Variants in FBN2 observed in about 807,000 individuals in gnomAD.
FBN2 encodes fibrillin 2, also known as fibrillin-2.
FBN2 carries 105 observed loss-of-function variants against 355.6 expected under a neutral mutation model. The observed-to-expected ratio is 0.30, with a 90% CI of 0.25 to 0.35. FBN2 has a LOEUF of 0.35. Ranked by LOEUF, FBN2 falls within the 10% of genes least tolerant of loss-of-function variation. FBN2 has a pLI of 1.00. For synonymous variants in FBN2, 1,350 were observed against 1,301.2 expected (o/e 1.04, Z -0.81); for missense variants, 3,280 against 3,758.7 (o/e 0.87, Z 3.33).
intron 14 of FBN2, among the ~76,000 whole-genome samples, 166 bp downstream of exon 14, chr5:128,376,565 T>C (rs1490407249): frequency 6.6e-6 from 1 of 152,210 alleles, no homozygotes; most frequent in African/African-American, 2.4e-5. Context: ...TAGACCACAA[T>C]GTGTGTTTTT....
chr5:128,299,862 A>G (rs7710992), intron 48 of FBN2, among the ~76,000 whole-genome samples: 7,148 of 152,202 alleles, frequency 0.047, 585 homozygotes, highest in African/African-American at 0.16. Context: ...TAAACTTTTC[A>G]AGAAACTTCT....
intron 5 of FBN2, among the ~76,000 whole-genome samples, chr5:128,506,227 T>C (rs1755956354): frequency 6.6e-6 from 1 of 152,154 alleles, no homozygotes; most frequent in Non-Finnish European, 1.5e-5. Context: ...GTGATTTTGA[T>C]CAGTCCTATG....
At chr5:128,369,479 T>A (rs947282215) in intron 15 of FBN2, 145 bp from the exon 16 acceptor site, 1 of 729,918 alleles carries the variant, frequency 1.4e-6, no homozygotes, top group East Asian at 2.7e-5. Context: ...CTTTAGCATC[T>A]AATAGTGTTA....
chr5:128,452,764 G>A (rs746507401), intron 6 of FBN2, among the ~76,000 whole-genome samples: 14 of 151,920 alleles, frequency 9.2e-5, no homozygotes, highest in Non-Finnish European at 1.6e-4. Context: ...ATACAGGTGC[G>A]GGTTTGTTAT....
At chr5:128,397,119 T>G (rs550342478) in intron 8 of FBN2, among the ~76,000 whole-genome samples, 8 of 152,318 alleles carry the variant, frequency 5.3e-5, no homozygotes, top group African/African-American at 1.9e-4. Context: ...ATGTGATGTA[T>G]GCACACATAA....
intron 61 of FBN2, 54 bp from the exon 62 acceptor site, chr5:128,272,172 A>C: frequency 6.2e-7 from 1 of 1,610,406 alleles, no homozygotes. Flanking sequence ...TACTATTTTT[A>C]AATGCACTCC....
chr5:128,280,563 G>C (rs999103151), intron 55 of FBN2, among the ~76,000 whole-genome samples: 13 of 152,084 alleles, frequency 8.5e-5, no homozygotes, highest in African/African-American at 2.9e-4. Flanking sequence ...AAGGGATAGT[G>C]TTAATATATA....
chr5:128,486,977 C>T (rs1755355366), intron 5 of FBN2, among the ~76,000 whole-genome samples: 1 of 152,194 alleles, frequency 6.6e-6, no homozygotes. Context: ...AGTTTCTTCT[C>T]ATTCCTCAGG....
intron 17 of FBN2, 143 bp from the exon 18 acceptor site, chr5:128,364,868 G>T: frequency 1.4e-6 from 1 of 708,122 alleles, no homozygotes; most frequent in Non-Finnish European, 2.5e-6. Context: ...AAAGGAAAAA[G>T]AACTGAAAAC....
chr5:128,430,374 T>A (rs1337431273), intron 7 of FBN2, among the ~76,000 whole-genome samples: 1 of 152,194 alleles, frequency 6.6e-6, no homozygotes, highest in African/African-American at 2.4e-5. Context: ...TTTAAGTCTT[T>A]ACTTTTTTGT....
intron 5 of FBN2, among the ~76,000 whole-genome samples, chr5:128,500,633 A>C (rs1227108738): frequency 6.6e-6 from 1 of 151,336 alleles, no homozygotes; most frequent in East Asian, 1.9e-4. Flanking sequence ...TTTAGTAAAG[A>C]CGGAGTTTCA....
chr5:128,464,739 T>G lies in FBN2; in HGVS notation c.811A>C (p.Thr271Pro), dbSNP rs201988564. The G allele has an allele frequency of 1.6e-5, 26 of 1,613,450 alleles. No individual in the cohort carries two copies. Among genetic ancestry groups the G allele is most frequent in the Non-Finnish European group, 2.1e-5 (25 of 1,179,934 alleles). Residue 271 changes from threonine to proline, a missense_variant, in exon 6 of 65, where the codon ACT becomes CCT. Coordinates refer to ENST00000262464, the MANE Select transcript of FBN2 (RefSeq NM_001999.4). ...CRRGFIPNIR[T>P]GACQDVDECQ... Reference sequence around the variant, plus strand: ...GCTGACTCACCTTGGCAAGCTCCAGTGCGGATGTTGGGGATGAAACCCCGT... The same window carrying G: ...GCTGACTCACCTTGGCAAGCTCCAGGGCGGATGTTGGGGATGAAACCCCGT...
chr5:128,422,626 T>C (rs1417356099), intron 7 of FBN2, among the ~76,000 whole-genome samples: 4 of 152,160 alleles, frequency 2.6e-5, no homozygotes, highest in Non-Finnish European at 1.5e-5. Flanking sequence ...AGCTGGAACA[T>C]TTTGCTCTGG....
chr5:128,358,914 T>C (rs193274806), intron 19 of FBN2, among the ~76,000 whole-genome samples: 258 of 152,138 alleles, frequency 1.7e-3, no homozygotes, highest in African/African-American at 5.8e-3. Flanking sequence ...ACTACAAATA[T>C]CAACTATTTA....
At chr5:128,453,863 G>A (rs1300416462) in intron 6 of FBN2, among the ~76,000 whole-genome samples, 1 of 151,980 alleles carries the variant, frequency 6.6e-6, no homozygotes, top group East Asian at 1.9e-4. Context: ...TTGGTGGTGT[G>A]ACTCTTATAT....
chr5:128,356,028 A>G (rs905488242), intron 20 of FBN2, among the ~76,000 whole-genome samples: 8 of 152,374 alleles, frequency 5.3e-5, no homozygotes, highest in African/African-American at 1.9e-4. Context: ...TTAATTGATT[A>G]ATGCTGAATT....
Position 128,457,126 on chromosome 5 carries a change from A to G in FBN2, c.826+7598T>C, listed in dbSNP as rs139552698. Among the ~76,000 whole-genome samples, 381 of 152,326 alleles carry G rather than the reference A, an allele frequency of 2.5e-3. 2 individuals carry two copies. The highest frequency in any genetic ancestry group is 8.5e-3 in the African/African-American group (352 of 41,572). On this transcript the variant is annotated intron_variant, in intron 6 of 64. Coordinates refer to ENST00000262464, the MANE Select transcript of FBN2 (RefSeq NM_001999.4). ...AACATAAACGACCTAAGGGAGCTGA[A>G]AAACACAGCATGAGAACTTCATGAA...
intron 5 of FBN2, among the ~76,000 whole-genome samples, chr5:128,503,992 T>C (rs190897897): frequency 6.6e-6 from 1 of 152,276 alleles, no homozygotes; most frequent in African/African-American, 2.4e-5. Flanking sequence ...CATAGTGCCC[T>C]GCATCTCAGC....
intron 7 of FBN2, among the ~76,000 whole-genome samples, chr5:128,422,584 G>A (rs529014219): frequency 6.6e-6 from 1 of 152,254 alleles, no homozygotes; most frequent in East Asian, 1.9e-4. Flanking sequence ...GAGTTAAAAG[G>A]AGTACAGAAA....
Sources: gnomAD v4.1 joint callset for allele counts (sites outside exome capture counted in the v4.1 genomes callset) on GRCh38, gnomAD v4.1.1 for gene constraint, MANE v1.5 for transcripts, NCBI Gene and HGNC (gene_info 2026-07-23, HGNC 2026-07-21) for gene names.